Variants in PCDHGB4 observed in about 807,000 individuals in gnomAD.
PCDHGB4 encodes protocadherin gamma-B4.
PCDHGB4 carries 38 observed loss-of-function variants against 60.5 expected under a neutral mutation model. The ratio of observed to expected loss-of-function variants is 0.63; its 90% CI spans 0.48 to 0.82. The LOEUF (loss-of-function observed/expected upper bound fraction) is 0.82, where lower values mean the gene tolerates loss of function less well. PCDHGB4 is among the 40% of genes least tolerant of loss of function. PCDHGB4 has a pLI of 0.00. For missense variants in PCDHGB4, 1,109 were observed against 1,209.6 expected (o/e 0.92, Z 1.23); for synonymous variants, 456 against 509.7 (o/e 0.89, Z 1.42).
chr5:141,476,157 G>A lies in PCDHGB4; in HGVS notation c.2398-18650G>A. On this transcript the variant is annotated intron_variant, in intron 1 of 3. Transcript: ENST00000519479. The surrounding 1 kb of genome is among the most constrained non-coding windows in gnomAD (Gnocchi z 7.6). ...TGGAGGAGCGGACTGGTAAGCACCG[G>A]GAGGGTAGTGGGAGTTTTGCTTCTG... 1 of 1,612,752 alleles carries A rather than the reference G, an allele frequency of 6.2e-7. No homozygotes were observed. Among genetic ancestry groups the A allele is most frequent in the Non-Finnish European group, 8.5e-7 (1 of 1,179,898 alleles).
At chr5:141,466,545 T>C (rs2099124777) in intron 1 of PCDHGB4, among the ~76,000 whole-genome samples, 1 of 152,216 alleles carries the variant, frequency 6.6e-6, no homozygotes. Flanking sequence ...AGATGGTCTT[T>C]TGCTGTGGGC....
At chr5:141,500,411 G>A (rs376320602) in intron 2 of PCDHGB4, among the ~76,000 whole-genome samples, 4 of 151,592 alleles carry the variant, frequency 2.6e-5, no homozygotes, top group East Asian at 2.0e-4. Context: ...GGGTTTCACC[G>A]TGTTAGCCAG....
At chr5:141,398,367 G>C (rs1480641333) in intron 1 of PCDHGB4, 1 of 1,430,476 alleles carries the variant, frequency 7.0e-7, no homozygotes, top group Non-Finnish European at 9.7e-7. Context: ...TGAGCGCAGA[G>C]AGCGGGGAGT....
At chr5:141,425,379 G>A (rs1330938768) in intron 1 of PCDHGB4, among the ~76,000 whole-genome samples, 7 of 152,152 alleles carry the variant, frequency 4.6e-5, no homozygotes, top group African/African-American at 4.8e-5. Context: ...ATGTTGATTC[G>A]GAGGTAGTGA....
At chr5:141,422,013 G>A (rs755656791) in intron 1 of PCDHGB4, 1 of 1,610,536 alleles carries the variant, frequency 6.2e-7, no homozygotes. Context: ...GAACTCGGGT[G>A]CTGATGGTTA....
intron 1 of PCDHGB4, chr5:141,427,830 C>T (rs749612858): frequency 7.8e-6 from 12 of 1,538,204 alleles, no homozygotes; most frequent in African/African-American, 1.4e-5. Flanking sequence ...GGTCGCGCAG[C>T]GTGCCTTCGA....
chr5:141,402,071 A>G, intron 1 of PCDHGB4, among the ~76,000 whole-genome samples: 2 of 152,340 alleles, frequency 1.3e-5, no homozygotes, highest in Middle Eastern at 3.4e-3. Context: ...AAAACTAAGC[A>G]TTTTTGAAAT....
rs1177173734 is a variant in PCDHGB4, at chr5:141,491,741, G to T, written c.2398-3066G>T. 1.3e-6 allele frequency: 2 copies of T among 1,595,762 alleles called. No individual in the cohort carries two copies. On this transcript the variant is annotated intron_variant, in intron 1 of 3. Transcript: ENST00000519479. This position sits in a 1 kb window ranked among gnomAD's most constrained non-coding sequence, Gnocchi z 6.9. ...CCGCCCCGGGCGACCCCTGGGGGCG[G>T]CACTGGAGAAGCCGCCCGTCCTCAT... is the stretch of plus-strand genomic sequence containing the variant.
intron 2 of PCDHGB4, among the ~76,000 whole-genome samples, chr5:141,501,290 T>TAC (rs55762287): frequency 0.12 from 16,682 of 135,960 alleles, 995 homozygotes; most frequent in African/African-American, 0.18. Flanking sequence ...TATTCCCTTA[T>TAC]ACACACACAC....
chr5:141,510,821 C>G, intron 3 of PCDHGB4, 126 bp from the exon 4 acceptor site: 2 of 1,559,324 alleles, frequency 1.3e-6, no homozygotes, highest in Non-Finnish European at 1.7e-6. Context: ...CCCCTATATT[C>G]CCAGTGCTCA....
At position 141,489,494 on chromosome 5, in the gene PCDHGB4, C is replaced by A. The variant is rs1191408769; in HGVS notation, c.2398-5313C>A. ...CTGAGCTTGATGAGTGGTGCCCTGGCAGTGAATCAAAAGATTGACCGAGAA... is the reference window on the plus strand; with the variant it reads ...CTGAGCTTGATGAGTGGTGCCCTGGAAGTGAATCAAAAGATTGACCGAGAA... On this transcript the variant is annotated intron_variant, in intron 1 of 3. Coordinates refer to ENST00000519479, the MANE Select transcript of PCDHGB4 (RefSeq NM_003736.4). This position sits in a 1 kb window ranked among gnomAD's most constrained non-coding sequence, Gnocchi z 4.5. 1.1e-5 allele frequency: 18 copies of A among 1,613,932 alleles called. No individual in the cohort carries two copies. The highest frequency in any genetic ancestry group is 1.7e-5 in the Admixed American group (1 of 59,998).
chr5:141,399,043 G>T lies in PCDHGB4; in HGVS notation c.2397+8762G>T, dbSNP rs545668357. The T allele has an allele frequency of 3.0e-5, 48 of 1,613,890 alleles. No homozygotes were observed. The South Asian group carries it at 4.9e-4, about 17-fold the overall frequency. ...TACCACTCAAAAGAAACTGGATTTTGAAGAGACCAAGGAATATTCAATGGT... is the reference window on the plus strand; with the variant it reads ...TACCACTCAAAAGAAACTGGATTTTTAAGAGACCAAGGAATATTCAATGGT... On this transcript the variant is annotated intron_variant, in intron 1 of 3. Transcript: ENST00000519479.
chr5:141,487,783 G>T lies in PCDHGB4; in HGVS notation c.2398-7024G>T. The T allele has an allele frequency of 6.6e-7, 1 of 1,522,846 alleles. No homozygotes were observed. The allele number at this position is 1,522,846 out of a possible 1,614,324, so 94.3% of individuals were successfully genotyped here. ...ACGCTGTGCTTTGTAACTGTTTCGT[G>T]AATTAACCAGAGTTGTCACAGTTTA... is the stretch of plus-strand genomic sequence containing the variant. On this transcript the variant is annotated intron_variant, in intron 1 of 3. Transcript: ENST00000519479. The surrounding 1 kb of genome is among the most constrained non-coding windows in gnomAD (Gnocchi z 5.0).
At chr5:141,417,667 C>A (rs545100460) in intron 1 of PCDHGB4, 5 of 918,744 alleles carry the variant, frequency 5.4e-6, no homozygotes, top group South Asian at 3.8e-5. Flanking sequence ...GGATTCCCTG[C>A]GCAGCCAACA....
intron 1 of PCDHGB4, chr5:141,418,028 A>C (rs767425160): frequency 1.2e-6 from 2 of 1,613,970 alleles, no homozygotes; most frequent in East Asian, 4.5e-5. Context: ...TCTAGGGCTT[A>C]GTGTCCTGGA....
chr5:141,496,287 C>T (rs768553690), intron 2 of PCDHGB4, among the ~76,000 whole-genome samples: 3 of 152,200 alleles, frequency 2.0e-5, no homozygotes, highest in Non-Finnish European at 4.4e-5. Flanking sequence ...TTGGTCTGAG[C>T]AGAGTGGGAT....
At chr5:141,480,910 T>C (rs985100480) in intron 1 of PCDHGB4, among the ~76,000 whole-genome samples, 5 of 152,106 alleles carry the variant, frequency 3.3e-5, no homozygotes, top group Non-Finnish European at 7.4e-5. Flanking sequence ...CTGGGCATGG[T>C]GGCGCATACC....
At chr5:141,449,467 C>G (rs1356192128) in intron 1 of PCDHGB4, among the ~76,000 whole-genome samples, 1 of 150,842 alleles carries the variant, frequency 6.6e-6, no homozygotes, top group South Asian at 2.1e-4. Flanking sequence ...ATTAGCCAGG[C>G]CTGGTACCCC....
intron 3 of PCDHGB4, among the ~76,000 whole-genome samples, chr5:141,507,571 G>A (rs2099861692): frequency 6.6e-6 from 1 of 152,254 alleles, no homozygotes; most frequent in Non-Finnish European, 1.5e-5. Flanking sequence ...TGGGTCTGAG[G>A]AGATGCCAAG....
Sources: allele counts gnomAD v4.1 joint callset (sites outside exome capture counted in the v4.1 genomes callset), GRCh38; gene constraint gnomAD v4.1.1; non-coding constraint Gnocchi (gnomAD v3.1); transcripts MANE v1.5; gene names NCBI Gene and HGNC (gene_info 2026-07-23, HGNC 2026-07-21).